The following THSD4 variants were observed in gnomAD, a reference collection of about 807,000 sequenced individuals.
THSD4 encodes the protein thrombospondin type-1 domain-containing protein 4.
THSD4 carries 69 observed loss-of-function variants against 119.0 expected under a neutral mutation model. The observed-to-expected ratio is 0.58, with a 90% CI of 0.48 to 0.71. The LOEUF is 0.71. Ranked by LOEUF, THSD4 falls within the 30% of genes least tolerant of loss-of-function variation. THSD4 has a pLI of 0.00. For missense variants in THSD4, 1,393 were observed against 1,391.1 expected (o/e 1.00, Z -0.02); for synonymous variants, 524 against 540.4 (o/e 0.97, Z 0.42).
At chr15:71,717,471 AAAT>A (rs2052631315) in intron 8 of THSD4, among the ~76,000 whole-genome samples, 1 of 152,184 alleles carries the variant, frequency 6.6e-6, no homozygotes, top group African/African-American at 2.4e-5. Flanking sequence ...ATAAAGGGAA[AAAT>A]AAGACAAGAC....
At chr15:71,730,437 C>A (rs935568445) in intron 9 of THSD4, 1 of 152,282 alleles carries the variant, frequency 6.6e-6, no homozygotes. Flanking sequence ...GGGCCATGCT[C>A]ATTTAATATG....
At chr15:71,155,340 C>T (rs73431403) in intron 3 of THSD4, among the ~76,000 whole-genome samples, 9,886 of 152,234 alleles carry the variant, frequency 0.065, 546 homozygotes, top group African/African-American at 0.16. Flanking sequence ...TCTTTATTGC[C>T]ATGACTGCAC....
chr15:71,199,582 GTGT>G (rs1427783711), intron 3 of THSD4, among the ~76,000 whole-genome samples: 30 of 136,902 alleles, frequency 2.2e-4, no homozygotes, highest in African/African-American at 8.3e-4. Flanking sequence ...TAGTGTGTGT[GTGT>G]GGGTGTGTGT....
At chr15:71,451,981 C>T (rs558330905) in intron 7 of THSD4, among the ~76,000 whole-genome samples, 79 of 152,302 alleles carry the variant, frequency 5.2e-4, no homozygotes, top group African/African-American at 1.8e-3. Flanking sequence ...TTTGGCAGCA[C>T]ACTGTTGAGG....
intron 1 of THSD4, among the ~76,000 whole-genome samples, chr15:71,121,624 C>G (rs1183083853): frequency 6.6e-6 from 1 of 152,142 alleles, no homozygotes; most frequent in Non-Finnish European, 1.5e-5. Flanking sequence ...TGCCCTCATG[C>G]TAGGTTGTCA....
rs896343564 is a variant in THSD4 at position 71,779,842 on chromosome 15, G to T, written c.*2468G>T. 1 of 29,994 alleles carries T rather than the reference G, an allele frequency of 3.3e-5. No individual in the cohort carries two copies. The highest frequency in any genetic ancestry group is 7.5e-5 in the African/African-American group (1 of 13,406). The allele number at this position is 29,994 out of a possible 1,614,324, so 1.9% of individuals were successfully genotyped here. On this transcript the variant is annotated 3_prime_UTR_variant, in exon 18 of 18. Transcript: ENST00000261862. ...TGGGGAGAAAGTGCATAAACCAGGG[G>T]TCTCTTTTTTTTTTTCAACAAACCA...
chr15:71,103,625 C>T (rs142660371), intron 1 of THSD4, among the ~76,000 whole-genome samples: 1,721 of 152,226 alleles, frequency 0.011, 35 homozygotes, highest in African/African-American at 0.038. Context: ...ATTTGCCACA[C>T]ACTCTTGTGA....
intron 6 of THSD4, among the ~76,000 whole-genome samples, chr15:71,407,368 CCTT>C (rs1470300388): frequency 2.0e-5 from 3 of 152,180 alleles, no homozygotes. Flanking sequence ...TACAATGAGT[CCTT>C]CTGCTTTCCG....
intron 8 of THSD4, among the ~76,000 whole-genome samples, chr15:71,707,715 C>T (rs2052420973): frequency 6.6e-6 from 1 of 152,138 alleles, no homozygotes; most frequent in South Asian, 2.1e-4. Context: ...TAGGTCATTT[C>T]CCTCCTGAAT....
intron 1 of THSD4, among the ~76,000 whole-genome samples, chr15:71,117,253 A>G (rs1044817285): frequency 6.6e-6 from 1 of 152,210 alleles, no homozygotes; most frequent in Non-Finnish European, 1.5e-5. Flanking sequence ...CCATAAAGAA[A>G]TATTTCTTAC....
intron 3 of THSD4, among the ~76,000 whole-genome samples, chr15:71,193,855 C>G (rs368637335): frequency 1.3e-5 from 2 of 152,120 alleles, no homozygotes; most frequent in African/African-American, 2.4e-5. Flanking sequence ...GGACTACAGG[C>G]GCCCGCCGCC....
intron 7 of THSD4, among the ~76,000 whole-genome samples, chr15:71,442,670 A>AG (rs2047124438): frequency 7.1e-5 from 3 of 41,974 alleles, no homozygotes; most frequent in African/African-American, 2.9e-4. Context: ...GTATATATAT[A>AG]TATATATATA....
rs957454483 is a variant in THSD4, at chr15:71,481,631, A to G, written c.1152+69808A>G. On this transcript the variant is annotated intron_variant, in intron 7 of 17. Coordinates refer to ENST00000261862, the MANE Select transcript of THSD4 (RefSeq NM_024817.3). ...TCCTTTTTGCCCCTCTTCATGCTCT[A>G]GCCTCTTTCCCCTTTTCATTTGTTC... Among the ~76,000 whole-genome samples, 4 of 152,132 alleles carry G rather than the reference A, an allele frequency of 2.6e-5. No individual in the cohort carries two copies. The South Asian group carries it at 6.2e-4, about 24-fold the overall frequency.
chr15:71,447,607 A>G (rs7163486), intron 7 of THSD4, among the ~76,000 whole-genome samples: 109,991 of 152,190 alleles, frequency 0.72, 39,937 homozygotes, highest in East Asian at 0.97. Flanking sequence ...AGTATCTGTC[A>G]TAGTTACTGG....
chr15:71,580,491 G>A (rs2049537567), intron 7 of THSD4, among the ~76,000 whole-genome samples: 1 of 152,000 alleles, frequency 6.6e-6, no homozygotes, highest in Non-Finnish European at 1.5e-5. Context: ...GGTGTGTGTG[G>A]TGAGAAAATG....
intron 8 of THSD4, among the ~76,000 whole-genome samples, chr15:71,671,016 A>G (rs2051516241): frequency 6.6e-6 from 1 of 152,192 alleles, no homozygotes; most frequent in Admixed American, 6.5e-5. Context: ...GTATATACCC[A>G]GTAATGGAAT....
chr15:71,193,608 C>T (rs995376326), intron 3 of THSD4, among the ~76,000 whole-genome samples: 12 of 152,292 alleles, frequency 7.9e-5, no homozygotes, highest in African/African-American at 2.2e-4. Context: ...ATAATTCCCA[C>T]GTGCTGTGGG....
intron 8 of THSD4, among the ~76,000 whole-genome samples, chr15:71,670,723 C>T (rs561115621): frequency 6.6e-6 from 1 of 151,664 alleles, no homozygotes; most frequent in Middle Eastern, 3.2e-3. Flanking sequence ...TCATTTCCCC[C>T]CTATGAGTGA....
At chr15:71,509,092 A>G (rs142033463) in intron 7 of THSD4, among the ~76,000 whole-genome samples, 1 of 152,256 alleles carries the variant, frequency 6.6e-6, no homozygotes, top group African/African-American at 2.4e-5. Context: ...CCTACATGTC[A>G]TGTTAGGTAT....
Sources: gnomAD v4.1 joint callset for allele counts (sites outside exome capture counted in the v4.1 genomes callset) on GRCh38, gnomAD v4.1.1 for gene constraint, MANE v1.5 for transcripts, NCBI Gene and HGNC (gene_info 2026-07-23, HGNC 2026-07-21) for gene names.